Variants in ADGRL2 observed in about 807,000 individuals in gnomAD.
ADGRL2 encodes calcium-independent alpha-latrotoxin receptor 2.
Under a neutral mutation model 157.4 loss-of-function variants are expected in ADGRL2, and 44 were observed. That is an observed-to-expected ratio of 0.28 (90% CI 0.22 to 0.36). ADGRL2 has a LOEUF of 0.36. ADGRL2 is among the 10% of genes least tolerant of loss of function. The probability of loss-of-function intolerance (pLI) is 1.00; values close to 1 mark genes in which losing one functional copy is unlikely to be tolerated. For synonymous variants in ADGRL2, 585 were observed against 624.7 expected (o/e 0.94, Z 0.95); for missense variants, 1,510 against 1,768.9 (o/e 0.85, Z 2.63).
chr1:81,422,314 A>G (rs1484365624), intron 1 of ADGRL2, among the ~76,000 whole-genome samples: 1 of 152,104 alleles, frequency 6.6e-6, no homozygotes, highest in African/African-American at 2.4e-5. Flanking sequence ...GTACGATCTC[A>G]GCTCACTGCA....
chr1:81,634,610 C>T (rs1196640018), intron 3 of ADGRL2, among the ~76,000 whole-genome samples: 2 of 151,602 alleles, frequency 1.3e-5, no homozygotes, highest in Non-Finnish European at 2.9e-5. Flanking sequence ...TCTTGGCTCA[C>T]TGCCACTTCT....
intron 2 of ADGRL2, among the ~76,000 whole-genome samples, chr1:81,893,621 A>G (rs1323193283): frequency 2.6e-5 from 4 of 152,230 alleles, no homozygotes; most frequent in East Asian, 3.9e-4. Flanking sequence ...AAAGACTACA[A>G]TGGGCTGTAG....
chr1:81,953,999 T>C (rs1572342783), intron 10 of ADGRL2, among the ~76,000 whole-genome samples: 1 of 152,146 alleles, frequency 6.6e-6, no homozygotes, highest in Admixed American at 6.6e-5. Context: ...TTGAGAACTT[T>C]ACAAGAAAAG....
At chr1:81,791,775 C>T (rs1233099584) in intron 2 of ADGRL2, among the ~76,000 whole-genome samples, 3 of 151,978 alleles carry the variant, frequency 2.0e-5, no homozygotes, top group Non-Finnish European at 4.4e-5. Flanking sequence ...ATTCTATAAC[C>T]TCACCAAAGT....
chr1:81,372,950 A>T (rs1292809163), intron 1 of ADGRL2, among the ~76,000 whole-genome samples: 1 of 152,156 alleles, frequency 6.6e-6, no homozygotes. Flanking sequence ...AATGTGCATC[A>T]TCACATTTAT....
intron 2 of ADGRL2, among the ~76,000 whole-genome samples, chr1:81,495,693 G>T (rs1399708049): frequency 6.6e-6 from 1 of 152,100 alleles, no homozygotes; most frequent in African/African-American, 2.4e-5. Flanking sequence ...AATTTTAAAA[G>T]GGGAAAAATT....
intron 1 of ADGRL2, among the ~76,000 whole-genome samples, chr1:81,349,631 TACACACACACACAC>T (rs36213279): frequency 9.1e-5 from 13 of 142,746 alleles, no homozygotes; most frequent in Non-Finnish European, 1.8e-4. Flanking sequence ...TGTTGTGAGC[TACACACACACACAC>T]ACACACACAC....
intron 1 of ADGRL2, among the ~76,000 whole-genome samples, chr1:81,335,628 A>G (rs1661581506): frequency 6.6e-6 from 1 of 152,182 alleles, no homozygotes. Flanking sequence ...TATGATTCCA[A>G]CTGCCCCTCA....
At chr1:81,565,394 G>C (rs1320298486) in intron 2 of ADGRL2, among the ~76,000 whole-genome samples, 1 of 152,176 alleles carries the variant, frequency 6.6e-6, no homozygotes, top group African/African-American at 2.4e-5. Context: ...GAATATGGAT[G>C]ATGAATGAAC....
At position 81,950,273 on chromosome 1, in the gene ADGRL2, G is replaced by A. The variant is rs1190413156; in HGVS notation, c.1295G>A (p.Gly432Asp). 6.2e-7 allele frequency: 1 copy of A among 1,613,808 alleles called. No homozygotes were observed. Among genetic ancestry groups the A allele is most frequent in the African/African-American group, 1.3e-5 (1 of 74,878 alleles). ...ISTTSTTSQK[G>D]PMSTTVAGSQ... is the part of the protein sequence containing the mutation. Reference sequence around the variant, plus strand: ...ACCACAAGCACTACTTCACAGAAAGGCCCCATGAGCACAACTGTAGCTGGA... The same window carrying A: ...ACCACAAGCACTACTTCACAGAAAGACCCCATGAGCACAACTGTAGCTGGA... The change falls in exon 7 of 24, where the codon GGC becomes GAC. Residue 432 changes from glycine (G) to aspartate (D), a missense_variant. Gly to Asp is a moderately conservative substitution (Grantham distance 94, BLOSUM62 -1). Coordinates refer to ENST00000686636, the MANE Select transcript of ADGRL2 (RefSeq NM_001366006.2).
chr1:81,847,871 C>T (rs1209300012), intron 2 of ADGRL2, among the ~76,000 whole-genome samples: 1 of 151,786 alleles, frequency 6.6e-6, no homozygotes, highest in Non-Finnish European at 1.5e-5. Flanking sequence ...TTTTATTATA[C>T]TAATTTTTCA....
At position 81,934,485 on chromosome 1, in the gene ADGRL2, T is replaced by TTA. The variant is rs962336148; in HGVS notation, c.288-2230_288-2229dup. Among the ~76,000 whole-genome samples, 907 of 150,904 alleles carry TTA rather than the reference T, an allele frequency of 6.0e-3. 6 individuals carry two copies. Among genetic ancestry groups the TTA allele is most frequent in the African/African-American group, 0.02 (844 of 41,280 alleles). ...CAATGTATTCTTTATTTTTGAAAAATTATATATATATATAAATGGCCAAAT... is the reference window on the plus strand; with the variant it reads ...CAATGTATTCTTTATTTTTGAAAAATTATATATATATATATAAATGGCCAAAT... On this transcript the variant is annotated intron_variant, in intron 3 of 23. Transcript: ENST00000686636.
rs2094930618 is a variant in ADGRL2 at position 81,919,443 on chromosome 1, C to A, written c.287+12213C>A. ...AATTTTTGGAAGTTTCCCTCACCCT[C>A]AACTCCCATTACAGACTTTATATGA... On this transcript the variant is annotated intron_variant, in intron 3 of 23. Coordinates refer to ENST00000686636, the MANE Select transcript of ADGRL2 (RefSeq NM_001366006.2). Among the ~76,000 whole-genome samples, 5 of 152,170 alleles carry A rather than the reference C, an allele frequency of 3.3e-5. No homozygotes were observed. In the South Asian group the frequency reaches 1.0e-3, roughly 32 times the overall value.
intron 1 of ADGRL2, among the ~76,000 whole-genome samples, chr1:81,422,173 C>A (rs987959408): frequency 8.3e-6 from 1 of 120,986 alleles, no homozygotes; most frequent in African/African-American, 2.9e-5. Flanking sequence ...CACATATTTA[C>A]ATCTCTCAAA....
intron 2 of ADGRL2, among the ~76,000 whole-genome samples, chr1:81,555,256 A>ATTTCT (rs1244476709): frequency 7.1e-6 from 1 of 139,918 alleles, no homozygotes; most frequent in African/African-American, 2.7e-5. Context: ...GCTGGTCTCT[A>ATTTCT]TTTCTTTTCT....
chr1:81,835,808 C>T (rs577687665), intron 1 of ADGRL2, among the ~76,000 whole-genome samples: 23 of 152,116 alleles, frequency 1.5e-4, no homozygotes, highest in South Asian at 4.1e-4. Flanking sequence ...AAACTGTGGG[C>T]CTGAATGATT....
chr1:81,850,040 C>G (rs1392695445), intron 2 of ADGRL2, among the ~76,000 whole-genome samples: 1 of 151,192 alleles, frequency 6.6e-6, no homozygotes, highest in Admixed American at 6.6e-5. Context: ...TTTGACTCGT[C>G]CTGCCGAAAT....
intron 2 of ADGRL2, among the ~76,000 whole-genome samples, chr1:81,569,415 A>T (rs1463475510): frequency 2.0e-5 from 3 of 152,244 alleles, no homozygotes; most frequent in Non-Finnish European, 4.4e-5. Flanking sequence ...ATGGCTTAAA[A>T]CAGTAAACTT....
rs181061288 is a variant in ADGRL2, at chr1:81,762,563, T to C, written c.-101+711T>C. On this transcript the variant is annotated intron_variant, in intron 2 of 20. Transcript: ENST00000359929. ...ATTACTGTCTCCTATGATGCTCTTT[T>C]ATTTTTCCAGTGGTTTAAGAGTATT... Among the ~76,000 whole-genome samples the C allele has an allele frequency of 1.0e-3, 152 of 152,260 alleles. 2 individuals are homozygous for C. The highest frequency in any genetic ancestry group is 3.4e-3 in the African/African-American group (142 of 41,576).
Sources: gnomAD v4.1 joint callset for allele counts (sites outside exome capture counted in the v4.1 genomes callset) on GRCh38, gnomAD v4.1.1 for gene constraint, MANE v1.5 for transcripts, NCBI Gene and HGNC (gene_info 2026-07-23, HGNC 2026-07-21) for gene names.